The following WASHC2C variants were observed in gnomAD, a reference collection of about 807,000 sequenced individuals.
WASHC2C encodes the protein WASH complex subunit 2C.
In WASHC2C, 73 loss-of-function variants were observed where a neutral mutation model predicts 142.2. The ratio of observed to expected loss-of-function variants is 0.51; its 90% CI spans 0.43 to 0.62. The LOEUF (loss-of-function observed/expected upper bound fraction) is 0.62. WASHC2C is among the 20% of genes least tolerant of loss of function. The pLI, the probability that WASHC2C is intolerant of heterozygous loss-of-function variation, is 0.00. For missense variants in WASHC2C, 969 were observed against 1,531.7 expected, an observed-to-expected ratio of 0.63 and a Z score of 6.13; for synonymous variants, 337 against 565.5, an observed-to-expected ratio of 0.60 and a Z score of 5.73.
At chr10:45,743,159 G>T (rs1288699542) in intron 5 of WASHC2C, among the ~76,000 whole-genome samples, 11 of 151,812 alleles carry the variant, frequency 7.2e-5, no homozygotes, top group Non-Finnish European at 1.3e-4. Context: ...TTACAGGCGT[G>T]AGCCATGGTG....
intron 5 of WASHC2C, among the ~76,000 whole-genome samples, chr10:45,740,646 G>A (rs1205965081): frequency 1.3e-5 from 2 of 152,058 alleles, no homozygotes; most frequent in African/African-American, 4.8e-5. Context: ...AGAGAGTGTT[G>A]GGAACCTGAA....
In WASHC2C at chr10:45,737,845, T is replaced by C. The variant is rs530490302; in HGVS notation, c.292-138T>C. 8.9e-6 allele frequency: 14 copies of C among 1,577,586 alleles called. No homozygotes were observed. In the East Asian group the frequency reaches 3.2e-4, roughly 36 times the overall value. ...TGACCCACTGTTACGGACACCCACC[T>C]GGTAGTGGTCTCAGCCCTTTGCTGA... On this transcript the variant is annotated intron_variant, in intron 3 of 30. Transcript: ENST00000623400.
intron 23 of WASHC2C, among the ~76,000 whole-genome samples, chr10:45,784,317 C>T (rs868978722): frequency 5.2e-5 from 3 of 57,340 alleles, no homozygotes; most frequent in Non-Finnish European, 1.1e-4. Flanking sequence ...TATATACACA[C>T]ACATATATAT....
At chr10:45,755,931 T>A (rs1464676911) in intron 15 of WASHC2C, among the ~76,000 whole-genome samples, 1 of 152,244 alleles carries the variant, frequency 6.6e-6, no homozygotes, top group Admixed American at 6.5e-5. Flanking sequence ...GGACTCACTC[T>A]CTTCCAGTGT....
rs782186058 is a variant in WASHC2C, at chr10:45,737,983, C to T, written c.292C>T (p.Arg98Cys). The change falls in exon 4 of 31, where the codon CGT (arginine) becomes TGT (cysteine). Residue 98 changes from arginine to cysteine, a missense_variant and splice_region_variant. Physicochemically the swap from Arg to Cys is radical, Grantham distance 180. Coordinates refer to ENST00000623400, the MANE Select transcript of WASHC2C (RefSeq NM_001330074.2). ...ACATTGAGTTTGCTTCCATATTTAG[C>T]GTGTATATGATGAAGAAGTGGAGGA... ...MLSNTQFIEN[R>C]VYDEEVEEPV... The T allele has an allele frequency of 2.5e-6, 4 of 1,611,416 alleles. No homozygotes were observed. Among genetic ancestry groups the T allele is most frequent in the Non-Finnish European group, 2.5e-6 (3 of 1,179,804 alleles).
rs528434831 is a variant in WASHC2C, at chr10:45,744,049, TTTTCTTTCTTTC to T, written c.622+578_622+589del. Among the ~76,000 whole-genome samples the T allele has an allele frequency of 7.3e-5, 11 of 151,416 alleles. 1 individual carries two copies. The highest frequency in any genetic ancestry group is 7.2e-4 in the Admixed American group (11 of 15,174). On this transcript the variant is annotated intron_variant, in intron 6 of 30. Coordinates refer to ENST00000623400, the MANE Select transcript of WASHC2C (RefSeq NM_001330074.2). ...AGCATGAGCCACCGTGCCCGGCTCT[TTTTCTTTCTTTC>T]TTTCTTTCTTTTTTGAGCCGGAGTT...
intron 2 of WASHC2C, 87 bp downstream of exon 2, chr10:45,727,626 C>T (rs1318014155): frequency 7.1e-7 from 1 of 1,403,382 alleles, no homozygotes; most frequent in Non-Finnish European, 9.4e-7. Context: ...TGCCCCTGCA[C>T]CTGGCCCGTC....
At chr10:45,776,077 C>G (rs2057049408) in intron 21 of WASHC2C, among the ~76,000 whole-genome samples, 1 of 152,174 alleles carries the variant, frequency 6.6e-6, no homozygotes, top group Non-Finnish European at 1.5e-5. Flanking sequence ...TTCTGAAATT[C>G]TTTATGCCTT....
intron 17 of WASHC2C, among the ~76,000 whole-genome samples, chr10:45,759,635 A>G (rs1255845666): frequency 1.3e-5 from 2 of 152,162 alleles, no homozygotes; most frequent in African/African-American, 4.8e-5. Flanking sequence ...GCTGGCCAAC[A>G]TGATGAAACC....
chr10:45,729,353 A>G (rs1198710584), intron 3 of WASHC2C, among the ~76,000 whole-genome samples: 4 of 152,172 alleles, frequency 2.6e-5, no homozygotes, highest in African/African-American at 7.2e-5. Context: ...ACAGCTGTTT[A>G]CCTGGTTAGA....
chr10:45,742,877 C>CT (rs1227719013), intron 5 of WASHC2C, among the ~76,000 whole-genome samples: 3,174 of 96,022 alleles, frequency 0.033, 38 homozygotes, highest in Non-Finnish European at 0.049. Context: ...CATCTTTTTT[C>CT]TTTTTTTTTT....
chr10:45,732,793 A>G (rs1205303462), intron 3 of WASHC2C, among the ~76,000 whole-genome samples: 3 of 152,262 alleles, frequency 2.0e-5, no homozygotes, highest in African/African-American at 7.2e-5. Context: ...ATAAAAGCTG[A>G]ATTTTGGTCA....
chr10:45,776,870 GT>G (rs1554886529), intron 21 of WASHC2C, among the ~76,000 whole-genome samples: 1 of 135,172 alleles, frequency 7.4e-6, no homozygotes, highest in African/African-American at 2.9e-5. Context: ...AGGAGTGCTG[GT>G]TTGGGTTGGG....
At chr10:45,741,923 A>T (rs2052114688) in intron 5 of WASHC2C, among the ~76,000 whole-genome samples, 1 of 151,098 alleles carries the variant, frequency 6.6e-6, no homozygotes, top group African/African-American at 2.4e-5. Context: ...CCTTCCAAGT[A>T]GCTGGGATTA....
chr10:45,743,406 G>T lies in WASHC2C; in HGVS notation c.545G>T (p.Arg182Leu). The T allele has an allele frequency of 1.9e-6, 3 of 1,611,728 alleles. No individual in the cohort carries two copies. The highest frequency in any genetic ancestry group is 1.7e-6 in the Non-Finnish European group (2 of 1,179,830). The change falls in exon 6 of 31, where the codon CGT (arginine) becomes CTT (leucine). Residue 182 changes from arginine (R) to leucine (L), a missense_variant. Physicochemically the swap from Arg to Leu is moderately radical, Grantham distance 102. Transcript: ENST00000623400. ...CATGTACAGGATCTATACATTGATC[G>T]TCCTTTACCATATCTCATTGGGTCA... ...ILEPKDLYID[R>L]PLPYLIGSKL... is the part of the protein sequence containing the mutation.
At chr10:45,734,300 G>T (rs527935727) in intron 3 of WASHC2C, among the ~76,000 whole-genome samples, 93 of 151,658 alleles carry the variant, frequency 6.1e-4, no homozygotes, top group African/African-American at 2.2e-3. Flanking sequence ...ACCAACCATT[G>T]AACTTTTCAG....
chr10:45,728,668 G>A (rs1016502762), intron 2 of WASHC2C, among the ~76,000 whole-genome samples, 194 bp from the exon 3 acceptor site: 2 of 151,646 alleles, frequency 1.3e-5, no homozygotes, highest in African/African-American at 4.9e-5. Flanking sequence ...AACGCGGGAG[G>A]TGCAGTGAGC....
intron 8 of WASHC2C, among the ~76,000 whole-genome samples, chr10:45,747,519 A>T (rs1429345608): frequency 6.6e-6 from 1 of 152,222 alleles, no homozygotes; most frequent in Non-Finnish European, 1.5e-5. Flanking sequence ...TGATACTGTC[A>T]TAGTCTCTAA....
chr10:45,745,332 G>A (rs1236158895), intron 7 of WASHC2C, among the ~76,000 whole-genome samples: 5 of 152,180 alleles, frequency 3.3e-5, no homozygotes, highest in East Asian at 1.9e-4. Flanking sequence ...TGCTGCTGCC[G>A]CTAGCGCTTT....
Sources: allele counts gnomAD v4.1 joint callset (sites outside exome capture counted in the v4.1 genomes callset), GRCh38; gene constraint gnomAD v4.1.1; transcripts MANE v1.5; gene names NCBI Gene and HGNC (gene_info 2026-07-23, HGNC 2026-07-21).